Variants in MAGI2 observed in about 807,000 individuals in gnomAD.
MAGI2 encodes the protein membrane associated guanylate kinase, WW and PDZ domain containing 2.
In MAGI2, 35 loss-of-function variants were observed where a neutral mutation model predicts 133.3. The observed-to-expected ratio is 0.26, with a 90% CI of 0.20 to 0.35. MAGI2 has a LOEUF of 0.35. Ranked by LOEUF, MAGI2 falls within the 10% of genes least tolerant of loss-of-function variation. The pLI, the probability that MAGI2 is intolerant of heterozygous loss-of-function variation, is 1.00. For missense variants in MAGI2, 1,636 were observed against 1,863.4 expected (o/e 0.88, Z 2.25); for synonymous variants, 729 against 710.6 (o/e 1.03, Z -0.41).
intron 1 of MAGI2, among the ~76,000 whole-genome samples, chr7:79,136,322 C>T (rs975094024): frequency 3.3e-5 from 5 of 152,138 alleles, no homozygotes; most frequent in African/African-American, 9.7e-5. Flanking sequence ...AATCTAGATT[C>T]TGTCTTTGAT....
chr7:78,894,176 C>A (rs540080962), intron 2 of MAGI2, among the ~76,000 whole-genome samples: 1 of 152,102 alleles, frequency 6.6e-6, no homozygotes, highest in Admixed American at 6.6e-5. Context: ...CCGAGGCAGG[C>A]GGATCACAAG....
At chr7:78,520,631 G>A (rs1279202201) in intron 4 of MAGI2, among the ~76,000 whole-genome samples, 1 of 151,886 alleles carries the variant, frequency 6.6e-6, no homozygotes, top group African/African-American at 2.4e-5. Flanking sequence ...CTACCAAAAT[G>A]CCACAGTTTT....
At chr7:78,301,523 G>T (rs1584790457) in intron 9 of MAGI2, among the ~76,000 whole-genome samples, 3 of 152,236 alleles carry the variant, frequency 2.0e-5, no homozygotes, top group African/African-American at 7.2e-5. Context: ...TTTCTCTAAT[G>T]CTTTCCCTTT....
intron 1 of MAGI2, among the ~76,000 whole-genome samples, chr7:79,228,109 G>A (rs1004822495): frequency 6.6e-6 from 1 of 151,846 alleles, no homozygotes; most frequent in Non-Finnish European, 1.5e-5. Flanking sequence ...ACTTGAGATG[G>A]TTAGGTGGGA....
chr7:78,364,390 C>T (rs1156981171), intron 7 of MAGI2, among the ~76,000 whole-genome samples: 1 of 152,164 alleles, frequency 6.6e-6, no homozygotes, highest in East Asian at 1.9e-4. Flanking sequence ...CTTGCTACCT[C>T]ATGATGGATA....
intron 6 of MAGI2, among the ~76,000 whole-genome samples, chr7:78,446,050 T>A (rs984087761): frequency 4.0e-5 from 6 of 151,476 alleles, no homozygotes; most frequent in Non-Finnish European, 8.8e-5. Flanking sequence ...GTTTCTTTTG[T>A]CTTGTAATTT....
intron 3 of MAGI2, among the ~76,000 whole-genome samples, chr7:78,596,510 C>T (rs576969577): frequency 6.6e-6 from 1 of 152,218 alleles, no homozygotes; most frequent in African/African-American, 2.4e-5. Context: ...AAGGAGCTTT[C>T]AGTTAGTAAT....
At chr7:79,322,568 C>A (rs1839269695) in intron 1 of MAGI2, among the ~76,000 whole-genome samples, 1 of 151,844 alleles carries the variant, frequency 6.6e-6, no homozygotes, top group Non-Finnish European at 1.5e-5. Flanking sequence ...GGCAGATCAC[C>A]TGAGGTCGGG....
intron 2 of MAGI2, among the ~76,000 whole-genome samples, chr7:78,811,992 T>G (rs760259824): frequency 2.0e-5 from 3 of 152,134 alleles, no homozygotes; most frequent in Non-Finnish European, 4.4e-5. Flanking sequence ...CTGGCTATGG[T>G]CAGAGGGAGA....
At chr7:79,348,967 A>T (rs1347573973) in intron 1 of MAGI2, among the ~76,000 whole-genome samples, 2 of 151,986 alleles carry the variant, frequency 1.3e-5, no homozygotes, top group African/African-American at 4.8e-5. Flanking sequence ...ACTTTTGACA[A>T]ATATTCAGGA....
intron 2 of MAGI2, among the ~76,000 whole-genome samples, chr7:78,810,311 TGGA>T (rs1788932971): frequency 6.6e-6 from 1 of 152,134 alleles, no homozygotes; most frequent in South Asian, 2.1e-4. Context: ...TATTCACTCT[TGGA>T]GAAGAAACAC....
chr7:79,252,534 T>G (rs1585331698), intron 1 of MAGI2, among the ~76,000 whole-genome samples: 1 of 152,310 alleles, frequency 6.6e-6, no homozygotes, highest in Middle Eastern at 3.4e-3. Context: ...GATTTAGTAT[T>G]TGTTAGCACA....
intron 21 of MAGI2, among the ~76,000 whole-genome samples, chr7:78,044,678 CGTGTGTGTGT>C: frequency 7.9e-6 from 1 of 126,476 alleles, no homozygotes; most frequent in African/African-American, 3.6e-5. Flanking sequence ...GCTAATGTAC[CGTGTGTGTGT>C]GTGTGTGTGT....
chr7:78,744,119 A>G (rs778708850), intron 2 of MAGI2, among the ~76,000 whole-genome samples: 1 of 152,146 alleles, frequency 6.6e-6, no homozygotes, highest in Non-Finnish European at 1.5e-5. Flanking sequence ...GTATTTTTTT[A>G]ACATGAGTAG....
chr7:78,475,856 G>T (rs541733436), intron 6 of MAGI2, among the ~76,000 whole-genome samples: 1 of 151,828 alleles, frequency 6.6e-6, no homozygotes, highest in South Asian at 2.1e-4. Context: ...TCTAAATCCA[G>T]CCCATCTTTA....
chr7:79,207,986 G>A (rs750151941), intron 1 of MAGI2, among the ~76,000 whole-genome samples: 23 of 152,090 alleles, frequency 1.5e-4, no homozygotes, highest in Non-Finnish European at 7.4e-5. Context: ...ATAGCCACCT[G>A]CAGAAGAATG....
chr7:78,659,800 A>G (rs546245240), intron 2 of MAGI2, among the ~76,000 whole-genome samples: 19 of 152,244 alleles, frequency 1.2e-4, no homozygotes, highest in African/African-American at 4.6e-4. Context: ...TGGGTAAAGG[A>G]TAAGTAGGAT....
At chr7:78,422,525 C>T (rs1338842137) in intron 6 of MAGI2, among the ~76,000 whole-genome samples, 1 of 151,070 alleles carries the variant, frequency 6.6e-6, no homozygotes, top group East Asian at 1.9e-4. Flanking sequence ...ATTATTTTCT[C>T]TCTCCTTAGG....
At chr7:78,519,596 C>A in intron 4 of MAGI2, among the ~76,000 whole-genome samples, 1 of 151,978 alleles carries the variant, frequency 6.6e-6, no homozygotes, top group East Asian at 1.9e-4. Context: ...TGATGAAGAC[C>A]TCCTAACCAT....
Sources: allele counts gnomAD v4.1 joint callset (sites outside exome capture counted in the v4.1 genomes callset), GRCh38; gene constraint gnomAD v4.1.1; transcripts MANE v1.5; gene names NCBI Gene and HGNC (gene_info 2026-07-23, HGNC 2026-07-21).